OPCML: variants seen among roughly 807,000 people sequenced by gnomAD.
OPCML encodes opioid-binding protein/cell adhesion molecule.
In OPCML, 13 loss-of-function variants were observed where a neutral mutation model predicts 37.8. That is an observed-to-expected ratio of 0.34 (90% CI 0.22 to 0.55). The LOEUF is 0.55. Ranked by LOEUF, OPCML falls within the 20% of genes least tolerant of loss-of-function variation. OPCML has a pLI of 0.91. For synonymous variants in OPCML, 176 were observed against 168.8 expected, an observed-to-expected ratio of 1.04 and a Z score of -0.33; for missense variants, 341 against 435.6, an observed-to-expected ratio of 0.78 and a Z score of 1.93.
intron 2 of OPCML, chr11:132,860,604 A>C (rs1942262556): frequency 6.6e-6 from 1 of 152,074 alleles, no homozygotes; most frequent in Non-Finnish European, 1.5e-5. Flanking sequence ...CAAGAGGAAA[A>C]CTTTCCCTCC....
At chr11:133,140,139 A>G (rs1159565068) in intron 1 of OPCML, among the ~76,000 whole-genome samples, 1 of 150,340 alleles carries the variant, frequency 6.7e-6, no homozygotes, top group African/African-American at 2.4e-5. Context: ...GTGAGCCGAG[A>G]TCGCACCACT....
intron 2 of OPCML, among the ~76,000 whole-genome samples, chr11:132,937,514 C>CTGTGTGG (rs954968980): frequency 1.4e-5 from 2 of 146,672 alleles, no homozygotes; most frequent in African/African-American, 2.5e-5. Flanking sequence ...GTATGTGTGT[C>CTGTGTGG]TGTGTGGTGT....
intron 1 of OPCML, among the ~76,000 whole-genome samples, chr11:133,378,815 C>T (rs1034162617): frequency 1.3e-5 from 2 of 152,082 alleles, no homozygotes; most frequent in South Asian, 4.2e-4. Context: ...TCATTGCAGC[C>T]TTGAACTCCT....
At chr11:132,870,892 T>A (rs1341414148) in intron 2 of OPCML, among the ~76,000 whole-genome samples, 1 of 152,158 alleles carries the variant, frequency 6.6e-6, no homozygotes, top group African/African-American at 2.4e-5. Flanking sequence ...CAGTGGTTAC[T>A]AGGGGTAAGG....
chr11:132,792,198 G>A (rs1016420327), intron 2 of OPCML, among the ~76,000 whole-genome samples: 7 of 152,026 alleles, frequency 4.6e-5, no homozygotes, highest in Non-Finnish European at 8.8e-5. Flanking sequence ...ATATTAAAAT[G>A]CAGGGCATTG....
intron 1 of OPCML, among the ~76,000 whole-genome samples, chr11:133,017,216 G>A (rs1428921513): frequency 6.6e-6 from 1 of 151,978 alleles, no homozygotes; most frequent in African/African-American, 2.4e-5. Flanking sequence ...ATTTGTGAGA[G>A]CTCTGCCCTC....
chr11:133,140,528 TAATAAGAAG>T (rs1227913652), intron 1 of OPCML, among the ~76,000 whole-genome samples: 101 of 61,270 alleles, frequency 1.6e-3, no homozygotes, highest in African/African-American at 3.9e-3. Context: ...ATAATAATAA[TAATAAGAAG>T]AAGAAGAAGA....
At chr11:132,591,502 G>T (rs1443700812) in intron 3 of OPCML, among the ~76,000 whole-genome samples, 1 of 152,170 alleles carries the variant, frequency 6.6e-6, no homozygotes, top group Non-Finnish European at 1.5e-5. Flanking sequence ...AGTTCTAAGA[G>T]GTTGGATACA....
chr11:132,861,570 C>A (rs1198128547), intron 2 of OPCML, among the ~76,000 whole-genome samples: 2 of 152,186 alleles, frequency 1.3e-5, no homozygotes, highest in African/African-American at 2.4e-5. Context: ...GGCGCGGTGG[C>A]TCACGCCTGT....
chr11:133,253,813 TC>T (rs1941223106), intron 1 of OPCML, among the ~76,000 whole-genome samples: 15 of 136,702 alleles, frequency 1.1e-4, no homozygotes, highest in Middle Eastern at 7.7e-3. Context: ...CCTTTTTCCC[TC>T]CTTCCCTTCC....
chr11:132,475,754 G>A (rs1315343916), intron 4 of OPCML, among the ~76,000 whole-genome samples: 1 of 152,096 alleles, frequency 6.6e-6, no homozygotes, highest in Non-Finnish European at 1.5e-5. Flanking sequence ...ATGACAGCCT[G>A]CCCAAACTAA....
In OPCML at chr11:132,436,246, G is replaced by C; in HGVS notation, c.765-9C>G. 6.2e-7 allele frequency: 1 copy of C among 1,614,146 alleles called. No individual in the cohort carries two copies. Among genetic ancestry groups the C allele is most frequent in the Non-Finnish European group, 8.5e-7 (1 of 1,180,022 alleles). Reference sequence around the variant, plus strand: ...CCAGACCAGTGGCTAACCTGCAAGAGGGAAGACATTGCTATCAATTCATTC... The same window carrying C: ...CCAGACCAGTGGCTAACCTGCAAGACGGAAGACATTGCTATCAATTCATTC... On this transcript the variant is annotated splice_polypyrimidine_tract_variant and intron_variant, in intron 6 of 7. Transcript: ENST00000524381.
At chr11:132,916,302 C>T (rs187462697) in intron 2 of OPCML, among the ~76,000 whole-genome samples, 130 of 152,266 alleles carry the variant, frequency 8.5e-4, no homozygotes, top group African/African-American at 3.0e-3. Context: ...TTTGTGCTGA[C>T]TCTCCCCACC....
chr11:132,637,155 C>A (rs1363336812), intron 3 of OPCML, among the ~76,000 whole-genome samples: 3 of 143,370 alleles, frequency 2.1e-5, no homozygotes, highest in African/African-American at 7.9e-5. Context: ...TTTTTTTTAA[C>A]TGAATTTGAA....
intron 1 of OPCML, among the ~76,000 whole-genome samples, chr11:133,220,921 C>T (rs564448386): frequency 4.5e-4 from 68 of 152,170 alleles, no homozygotes; most frequent in Non-Finnish European, 8.1e-4. Context: ...CTCAGTGGTG[C>T]GTCACTGACT....
At chr11:132,679,703 C>T (rs80010370) in intron 2 of OPCML, among the ~76,000 whole-genome samples, 2,155 of 151,784 alleles carry the variant, frequency 0.014, 59 homozygotes, top group African/African-American at 0.049. Context: ...TGCAAATATA[C>T]GAAAAACAAA....
chr11:132,943,303 A>G lies in OPCML; in HGVS notation c.62-293T>C, dbSNP rs1379898146. 4.3e-6 allele frequency: 3 copies of G among 692,182 alleles called. No homozygotes were observed. The East Asian group carries it at 8.3e-5, about 19-fold the overall frequency. 42.9% of individuals were successfully genotyped at this position (692,182 alleles called of 1,614,324 possible). ...CTCAGCTTTCCAGCCTAGCAGAACC[A>G]GATGCCCCCTCCTGCATCCAAAAAG... is the stretch of plus-strand genomic sequence containing the variant. On this transcript the variant is annotated intron_variant, in intron 1 of 7. Transcript: ENST00000524381. The surrounding 1 kb of genome is among the most constrained non-coding windows in gnomAD (Gnocchi z 4.3).
intron 2 of OPCML, among the ~76,000 whole-genome samples, chr11:132,903,193 T>A (rs1944123492): frequency 6.6e-6 from 1 of 152,124 alleles, no homozygotes; most frequent in Non-Finnish European, 1.5e-5. Flanking sequence ...TATTAATCTG[T>A]CTATAATCAG....
At chr11:132,739,371 T>A (rs1408001138) in intron 2 of OPCML, among the ~76,000 whole-genome samples, 1 of 152,222 alleles carries the variant, frequency 6.6e-6, no homozygotes, top group African/African-American at 2.4e-5. Flanking sequence ...TTTGTCCGTA[T>A]AATTTGCCAG....
Sources: allele counts gnomAD v4.1 joint callset (sites outside exome capture counted in the v4.1 genomes callset), GRCh38; gene constraint gnomAD v4.1.1; non-coding constraint Gnocchi (gnomAD v3.1); transcripts MANE v1.5; gene names NCBI Gene and HGNC (gene_info 2026-07-23, HGNC 2026-07-21).